Variants in CSMD1 observed in about 807,000 individuals in gnomAD.
The protein encoded by CSMD1 is CUB and Sushi multiple domains 1, also known as CUB and sushi domain-containing protein 1.
In CSMD1, 213 loss-of-function variants were observed where a neutral mutation model predicts 417.5. That is an observed-to-expected ratio of 0.51 (90% CI 0.46 to 0.57). The LOEUF (loss-of-function observed/expected upper bound fraction) is 0.57, where lower values mean the gene tolerates loss of function less well. CSMD1 is among the 20% of genes least tolerant of loss of function. The pLI is 0.00. For missense variants in CSMD1, 6,923 were observed against 4,529.7 expected, an observed-to-expected ratio of 1.53 and a Z score of -15.17; for synonymous variants, 2,862 against 1,736.8, an observed-to-expected ratio of 1.65 and a Z score of -16.11.
intron 5 of CSMD1, among the ~76,000 whole-genome samples, chr8:3,848,564 GTGC>G (rs1239901606): frequency 6.6e-6 from 1 of 152,092 alleles, no homozygotes; most frequent in Non-Finnish European, 1.5e-5. Context: ...TTTCACCTTT[GTGC>G]TGCTCCTTGT....
At chr8:4,440,120 TA>T (rs1798383144) in intron 2 of CSMD1, among the ~76,000 whole-genome samples, 1 of 152,198 alleles carries the variant, frequency 6.6e-6, no homozygotes, top group African/African-American at 2.4e-5. Context: ...TCATTCTCTT[TA>T]AAGTGCAGCT....
intron 3 of CSMD1, among the ~76,000 whole-genome samples, chr8:4,122,446 G>C (rs530030286): frequency 3.3e-5 from 5 of 152,298 alleles, no homozygotes; most frequent in African/African-American, 4.8e-5. Flanking sequence ...GTTAGCAATA[G>C]ATCCAGGGTG....
intron 12 of CSMD1, among the ~76,000 whole-genome samples, chr8:3,444,490 C>T (rs1028008561): frequency 1.3e-5 from 2 of 152,164 alleles, no homozygotes; most frequent in Non-Finnish European, 2.9e-5. Flanking sequence ...AGAACTTTTG[C>T]TACCATCTTC....
At chr8:3,749,734 T>C (rs930778801) in intron 6 of CSMD1, among the ~76,000 whole-genome samples, 1 of 152,184 alleles carries the variant, frequency 6.6e-6, no homozygotes, top group East Asian at 1.9e-4. Flanking sequence ...TTTATGTTTT[T>C]TTTTCCTTTC....
rs1488993464 is a variant in CSMD1 at position 4,968,126 on chromosome 8, T to C, written c.85+26206A>G. Among the ~76,000 whole-genome samples, 6 of 152,122 alleles carry C rather than the reference T, an allele frequency of 3.9e-5. No homozygotes were observed. In the East Asian group the frequency reaches 9.6e-4, roughly 24 times the overall value. ...CCATTCAAATATGAAAGAGAAGTGA[T>C]TTTTATTAAGCAGCAAAAATACAAA... On this transcript the variant is annotated intron_variant, in intron 1 of 69. Coordinates refer to ENST00000635120, the MANE Select transcript of CSMD1 (RefSeq NM_033225.6).
intron 5 of CSMD1, among the ~76,000 whole-genome samples, chr8:3,933,678 G>A (rs1329777561): frequency 1.3e-5 from 2 of 152,244 alleles, no homozygotes; most frequent in Middle Eastern, 3.4e-3. Context: ...TTTACAAAAT[G>A]TTTCGCATGC....
chr8:4,563,008 T>C (rs767308182), intron 2 of CSMD1, among the ~76,000 whole-genome samples: 12 of 152,154 alleles, frequency 7.9e-5, no homozygotes, highest in Non-Finnish European at 1.8e-4. Flanking sequence ...ACATGCACCA[T>C]GAAAATTCCG....
intron 3 of CSMD1, among the ~76,000 whole-genome samples, chr8:4,361,327 T>C (rs1323533003): frequency 6.6e-6 from 1 of 152,216 alleles, no homozygotes; most frequent in Admixed American, 6.5e-5. Context: ...TATTAGATAA[T>C]GATATATCTG....
intron 10 of CSMD1, among the ~76,000 whole-genome samples, chr8:3,556,518 A>ACACACG (rs1799156474): frequency 8.5e-6 from 1 of 117,736 alleles, no homozygotes; most frequent in Non-Finnish European, 1.8e-5. Flanking sequence ...TTTCACACGC[A>ACACACG]CACACACACA....
chr8:3,313,385 ATAT>A (rs1267643654), intron 23 of CSMD1, among the ~76,000 whole-genome samples: 1 of 152,210 alleles, frequency 6.6e-6, no homozygotes, highest in Non-Finnish European at 1.5e-5. Context: ...CAAAGGGCTA[ATAT>A]GCACAATCTA....
At chr8:4,421,118 G>A (rs888057610) in intron 2 of CSMD1, among the ~76,000 whole-genome samples, 5 of 151,140 alleles carry the variant, frequency 3.3e-5, no homozygotes, top group Admixed American at 6.6e-5. Flanking sequence ...TCACATGAAG[G>A]AGTAAATGAC....
chr8:4,388,720 A>T (rs1262195858), intron 3 of CSMD1, among the ~76,000 whole-genome samples: 1 of 152,162 alleles, frequency 6.6e-6, no homozygotes, highest in East Asian at 1.9e-4. Flanking sequence ...AATAAAATGT[A>T]CTTGTTTATA....
In CSMD1 at chr8:3,602,883, C is replaced by G. The variant is rs567419824; in HGVS notation, c.1097+13827G>C. ...ACTATGTTTTGTATTTTGAAGCTAA[C>G]AAATTAATATAGGCTCAAGTAACAA... On this transcript the variant is annotated intron_variant, in intron 8 of 69. Coordinates refer to ENST00000635120, the MANE Select transcript of CSMD1 (RefSeq NM_033225.6). Among the ~76,000 whole-genome samples, 9 of 152,082 alleles carry G rather than the reference C, an allele frequency of 5.9e-5. No individual in the cohort carries two copies. In the East Asian group the frequency reaches 1.7e-3, roughly 29 times the overall value.
chr8:4,031,043 C>T (rs954694516), intron 4 of CSMD1, among the ~76,000 whole-genome samples: 12 of 152,194 alleles, frequency 7.9e-5, no homozygotes, highest in African/African-American at 2.9e-4. Context: ...ATATCATCAG[C>T]ACTTTGGTCA....
intron 1 of CSMD1, among the ~76,000 whole-genome samples, chr8:4,763,859 G>C (rs1389884830): frequency 6.6e-6 from 1 of 152,132 alleles, no homozygotes; most frequent in African/African-American, 2.4e-5. Flanking sequence ...TTCCTGAACG[G>C]AAAGAAAACT....
chr8:4,371,333 A>C (rs1057235345), intron 3 of CSMD1, among the ~76,000 whole-genome samples: 35 of 152,170 alleles, frequency 2.3e-4, no homozygotes, highest in Non-Finnish European at 2.5e-4. Context: ...GCAACAGGCA[A>C]GTTAAAGTTT....
intron 2 of CSMD1, among the ~76,000 whole-genome samples, chr8:4,455,203 T>G (rs960394933): frequency 1.7e-5 from 2 of 121,054 alleles, no homozygotes; most frequent in African/African-American, 5.2e-5. Context: ...TATGACTCTC[T>G]TTATCTTACT....
chr8:3,285,189 CAAAA>C (rs971381160), intron 25 of CSMD1, among the ~76,000 whole-genome samples: 1 of 151,888 alleles, frequency 6.6e-6, no homozygotes, highest in African/African-American at 2.4e-5. Context: ...GGACGACAAA[CAAAA>C]AAACTACCCA....
chr8:3,265,413 T>C (rs1384986821), intron 26 of CSMD1, among the ~76,000 whole-genome samples: 2 of 152,126 alleles, frequency 1.3e-5, no homozygotes, highest in African/African-American at 4.8e-5. Context: ...AGTGTAAGAA[T>C]CATATTAAAT....
Sources: gnomAD v4.1 joint callset for allele counts (sites outside exome capture counted in the v4.1 genomes callset) on GRCh38, gnomAD v4.1.1 for gene constraint, MANE v1.5 for transcripts, NCBI Gene and HGNC (gene_info 2026-07-23, HGNC 2026-07-21) for gene names.